The following LMCD1 variants were observed in gnomAD, a reference collection of about 807,000 sequenced individuals.
LMCD1 encodes the protein LIM and cysteine-rich domains protein 1.
In LMCD1, 32 loss-of-function variants were observed where a neutral mutation model predicts 42.7. The ratio of observed to expected loss-of-function variants is 0.75; its 90% CI spans 0.57 to 1.01. The LOEUF is 1.01. Ranked by LOEUF, LMCD1 falls within the 50% of genes least tolerant of loss-of-function variation. LMCD1 has a pLI of 0.00. For missense variants in LMCD1, 458 were observed against 483.1 expected (o/e 0.95, Z 0.49); for synonymous variants, 178 against 184.9 (o/e 0.96, Z 0.30).
At chr3:8,556,762 G>GAAC (rs1184975258) in intron 4 of LMCD1, among the ~76,000 whole-genome samples, 1 of 152,220 alleles carries the variant, frequency 6.6e-6, no homozygotes, top group East Asian at 1.9e-4. Flanking sequence ...CTGGATTTGA[G>GAAC]AACAACCCAC....
rs1487854716 is a variant in LMCD1, at chr3:8,568,471, G to A, written c.*873G>A. The A allele has an allele frequency of 1.3e-5, 2 of 152,148 alleles. No homozygotes were observed. The highest frequency in any genetic ancestry group is 6.5e-5 in the Admixed American group (1 of 15,268). The allele number at this position is 152,148 out of a possible 1,614,324, so 9.4% of individuals were successfully genotyped here. A position where few individuals can be genotyped will look rare whatever the true frequency, so the allele number is the denominator to read the frequency against. ...CCAGTACTGGGAAACCACTGAACAG[G>A]GGCCACCTAAGCTCCACCAATGGGT... On this transcript the variant is annotated 3_prime_UTR_variant, in exon 6 of 6. Transcript: ENST00000157600.
At chr3:8,523,455 C>T (rs949090391) in intron 1 of LMCD1, among the ~76,000 whole-genome samples, 2 of 152,220 alleles carry the variant, frequency 1.3e-5, no homozygotes, top group Non-Finnish European at 2.9e-5. Flanking sequence ...CTGTGTGAGA[C>T]TCACTGTGTT....
intron 1 of LMCD1, among the ~76,000 whole-genome samples, chr3:8,532,081 T>A (rs1326855582): frequency 6.6e-6 from 1 of 152,232 alleles, no homozygotes; most frequent in Non-Finnish European, 1.5e-5. Flanking sequence ...GTGACGCTTC[T>A]GGTTTGAAGA....
In LMCD1 at chr3:8,548,714, G is replaced by T; in HGVS notation, c.534G>T (p.Glu178Asp). 6.2e-7 allele frequency: 1 copy of T among 1,614,180 alleles called. No individual in the cohort carries two copies. Among genetic ancestry groups the T allele is most frequent in the Non-Finnish European group, 8.5e-7 (1 of 1,180,038 alleles). Reference sequence around the variant, plus strand: ...GCTGCCGTGGACTTTTGGAGAATGAGTTGAAACTGATGGAAGAATTTGTCA... The same window carrying T: ...GCTGCCGTGGACTTTTGGAGAATGATTTGAAACTGATGGAAGAATTTGTCA... ...PSRCRGLLEN[E>D]LKLMEEFVKQ... Residue 178 changes from glutamate (E) to aspartate (D), a missense_variant, in exon 4 of 6, where the codon GAG becomes GAT. Transcript: ENST00000157600.
intron 1 of LMCD1, among the ~76,000 whole-genome samples, chr3:8,520,249 G>A (rs1330858255): frequency 1.3e-5 from 2 of 152,050 alleles, no homozygotes; most frequent in African/African-American, 4.8e-5. Context: ...CACACCAAAT[G>A]ACATTCCTAC....
intron 4 of LMCD1, among the ~76,000 whole-genome samples, chr3:8,553,798 T>C (rs1694881253): frequency 6.6e-6 from 1 of 152,190 alleles, no homozygotes; most frequent in Non-Finnish European, 1.5e-5. Context: ...GTTGCCCTCT[T>C]CATGGGGCAA....
intron 3 of LMCD1, 132 bp downstream of exon 3, chr3:8,537,572 T>C (rs1401941324): frequency 1.0e-6 from 1 of 1,002,680 alleles, no homozygotes; most frequent in East Asian, 2.4e-5. Context: ...TGGCTGTGGT[T>C]TTAGCCCTGC....
intron 3 of LMCD1, among the ~76,000 whole-genome samples, chr3:8,540,153 T>G (rs899616605): frequency 6.6e-6 from 1 of 152,116 alleles, no homozygotes; most frequent in Non-Finnish European, 1.5e-5. Flanking sequence ...ACACCGCATG[T>G]TCTCACTCAT....
rs1218988035 is a variant in LMCD1 at position 8,572,791 on chromosome 3, C to T, written c.*5193C>T. On this transcript the variant is annotated 3_prime_UTR_variant, in exon 6 of 6. Coordinates refer to ENST00000157600, the MANE Select transcript of LMCD1 (RefSeq NM_014583.4). ...TTGACATGGCCCATCATTCTTTAAA[C>T]ACATTTTACATCTGGCACAATAACG... 1 of 152,190 alleles carries T rather than the reference C, an allele frequency of 6.6e-6. No individual in the cohort carries two copies. Among genetic ancestry groups the T allele is most frequent in the African/African-American group, 2.4e-5 (1 of 41,446 alleles). 9.4% of individuals were successfully genotyped at this position (152,190 alleles called of 1,614,324 possible).
At chr3:8,553,350 C>T (rs935738165) in intron 4 of LMCD1, among the ~76,000 whole-genome samples, 4 of 152,248 alleles carry the variant, frequency 2.6e-5, no homozygotes, top group Non-Finnish European at 5.9e-5. Flanking sequence ...CCACCCAGCC[C>T]CCCACCTAAC....
intron 1 of LMCD1, among the ~76,000 whole-genome samples, chr3:8,527,508 A>G (rs1493590): frequency 0.44 from 66,247 of 152,056 alleles, 15,232 homozygotes; most frequent in Non-Finnish European, 0.52. Context: ...TTTAAATACA[A>G]TTCCAGTCCT....
chr3:8,564,909 T>C (rs1247391317), intron 4 of LMCD1, among the ~76,000 whole-genome samples: 1 of 152,216 alleles, frequency 6.6e-6, no homozygotes, highest in African/African-American at 2.4e-5. Context: ...GTTATGGGAA[T>C]CCAGCAATCT....
chr3:8,506,780 C>T (rs1053635139), intron 1 of LMCD1, among the ~76,000 whole-genome samples: 3 of 152,114 alleles, frequency 2.0e-5, no homozygotes, highest in African/African-American at 7.2e-5. Flanking sequence ...TAACTGCAGG[C>T]GTTTACTCAC....
rs2125043323 is a variant in LMCD1 at position 8,570,696 on chromosome 3, C to T, written c.*3098C>T. 6.6e-6 allele frequency: 1 copy of T among 152,426 alleles called. No homozygotes were observed. The highest frequency in any genetic ancestry group is 2.1e-4 in the South Asian group (1 of 4,828). 9.4% of individuals were successfully genotyped at this position (152,426 alleles called of 1,614,324 possible). A position where few individuals can be genotyped will look rare whatever the true frequency, so the allele number is the denominator to read the frequency against. On this transcript the variant is annotated 3_prime_UTR_variant, in exon 6 of 6. Coordinates refer to ENST00000157600, the MANE Select transcript of LMCD1 (RefSeq NM_014583.4). ...ACTCACCCTCTCCACCCACCACTTC[C>T]AGATGAATTGCTCAGAAACACACCC...
intron 1 of LMCD1, among the ~76,000 whole-genome samples, chr3:8,519,752 AAAG>A (rs1479654328): frequency 1.5e-3 from 231 of 151,412 alleles, no homozygotes; most frequent in African/African-American, 5.2e-3. Flanking sequence ...AAAAAAAAAA[AAAG>A]AAAAGAAAAG....
At position 8,501,988 on chromosome 3, in the gene LMCD1, G is replaced by C. The variant is rs773122876; in HGVS notation, c.42+8G>C. On this transcript the variant is annotated splice_region_variant and intron_variant, in intron 1 of 5. Transcript: ENST00000157600. ...AACCCAGGAGTTAAAAAGGTGAGTGGAAAGCTGTTTGTATTTACCCAGATT... is the reference window on the plus strand; with the variant it reads ...AACCCAGGAGTTAAAAAGGTGAGTGCAAAGCTGTTTGTATTTACCCAGATT... 1.9e-6 allele frequency: 3 copies of C among 1,587,000 alleles called. No individual in the cohort carries two copies. The East Asian group carries it at 7.2e-5, about 38-fold the overall frequency.
At chr3:8,514,095 T>TGATA (rs575336101) in intron 1 of LMCD1, among the ~76,000 whole-genome samples, 1 of 151,850 alleles carries the variant, frequency 6.6e-6, no homozygotes, top group African/African-American at 2.4e-5. Flanking sequence ...GATAGATGAT[T>TGATA]GATAGATAGA....
intron 4 of LMCD1, among the ~76,000 whole-genome samples, chr3:8,553,211 G>A (rs1362357512): frequency 7.0e-5 from 10 of 143,442 alleles, no homozygotes; most frequent in East Asian, 2.1e-4. Flanking sequence ...CCCACCCCCC[G>A]ACACACACAC....
intron 3 of LMCD1, among the ~76,000 whole-genome samples, chr3:8,538,756 C>G (rs1694559991): frequency 6.6e-6 from 1 of 152,100 alleles, no homozygotes; most frequent in Non-Finnish European, 1.5e-5. Flanking sequence ...TTATTGCAAA[C>G]AGATTATCTT....
Sources: allele counts gnomAD v4.1 joint callset (sites outside exome capture counted in the v4.1 genomes callset), GRCh38; gene constraint gnomAD v4.1.1; transcripts MANE v1.5; gene names NCBI Gene and HGNC (gene_info 2026-07-23, HGNC 2026-07-21).